Variants in COBL observed in about 807,000 individuals in gnomAD.
COBL encodes protein cordon-bleu.
Under a neutral mutation model 98.8 loss-of-function variants are expected in COBL, and 51 were observed. The observed-to-expected ratio is 0.52, with a 90% CI of 0.41 to 0.65. COBL has a LOEUF of 0.65. Among genes scored for constraint, COBL ranks in the 30% least tolerant of loss-of-function variants. The pLI is 0.00. For missense variants in COBL, 1,617 were observed against 1,617.5 expected (o/e 1.00, Z 0.01); for synonymous variants, 634 against 651.7 (o/e 0.97, Z 0.41).
chr7:51,263,374 G>A (rs184138386), intron 1 of COBL, among the ~76,000 whole-genome samples: 1 of 152,180 alleles, frequency 6.6e-6, no homozygotes, highest in Non-Finnish European at 1.5e-5. Flanking sequence ...GAAGATAAAT[G>A]GTCAGTGGGA....
Position 51,028,644 on chromosome 7 carries a change from G to A in COBL, c.2452C>T (p.Gln818Ter). 1 of 1,613,172 alleles carries A rather than the reference G, an allele frequency of 6.2e-7. No homozygotes were observed. Among genetic ancestry groups the A allele is most frequent in the Non-Finnish European group, 8.5e-7 (1 of 1,179,492 alleles). Residue 818 changes from glutamine to a stop codon, truncating the protein, a stop_gained, in exon 10 of 13, where the codon CAG becomes TAG. Transcript: ENST00000265136. LOFTEE classifies it high-confidence loss of function. ...QADPKPISPQQKSAHHEGRNP... is the reference protein window; with the variant it reads ...QADPKPISPQ ...CGGCCCTCATGGTGGGCAGACTTCT[G>A]CTGGGGCGATATTGGCTTGGGGTCT...
chr7:51,288,434 AAAAG>A (rs1450769367), intron 1 of COBL, among the ~76,000 whole-genome samples: 12 of 147,346 alleles, frequency 8.1e-5, no homozygotes, highest in African/African-American at 2.5e-4. Flanking sequence ...AAAAAAAAAA[AAAAG>A]AAAGAAAGAA....
intron 4 of COBL, among the ~76,000 whole-genome samples, chr7:51,189,102 G>A (rs1191757657): frequency 6.6e-6 from 1 of 152,120 alleles, no homozygotes; most frequent in Non-Finnish European, 1.5e-5. Context: ...TTCTGTCTGT[G>A]TTTTAAAAAA....
chr7:51,193,850 T>C (rs566150591), intron 2 of COBL, among the ~76,000 whole-genome samples: 1 of 152,302 alleles, frequency 6.6e-6, no homozygotes, highest in East Asian at 1.9e-4. Context: ...TTTAGTTAAA[T>C]CCAAGGGTAT....
intron 1 of COBL, among the ~76,000 whole-genome samples, chr7:51,277,175 G>A (rs1349817273): frequency 3.9e-5 from 6 of 152,136 alleles, no homozygotes; most frequent in Admixed American, 2.0e-4. Flanking sequence ...TTTCCATGAC[G>A]GCCACACATG....
At chr7:51,147,774 A>G (rs573618572) in intron 5 of COBL, among the ~76,000 whole-genome samples, 2 of 150,102 alleles carry the variant, frequency 1.3e-5, no homozygotes, top group East Asian at 3.9e-4. Flanking sequence ...TTTTTGATAC[A>G]GAGTCTCACT....
At chr7:51,130,894 GA>G (rs1798676743) in intron 6 of COBL, among the ~76,000 whole-genome samples, 1 of 152,232 alleles carries the variant, frequency 6.6e-6, no homozygotes, top group African/African-American at 2.4e-5. Context: ...CACACAGTGT[GA>G]AATACTATCT....
chr7:51,289,746 T>G (rs140114997), intron 1 of COBL, among the ~76,000 whole-genome samples: 1 of 152,346 alleles, frequency 6.6e-6, no homozygotes, highest in Non-Finnish European at 1.5e-5. Context: ...TAATTACCTT[T>G]CAGTGCCAAA....
intron 2 of COBL, among the ~76,000 whole-genome samples, chr7:51,210,389 A>C (rs1792298747): frequency 6.6e-6 from 1 of 152,168 alleles, no homozygotes; most frequent in Admixed American, 6.5e-5. Flanking sequence ...GGGCACAGTT[A>C]CCCTCTCAAC....
intron 1 of COBL, among the ~76,000 whole-genome samples, chr7:51,243,002 A>G (rs1167632418): frequency 6.6e-6 from 1 of 152,190 alleles, no homozygotes; most frequent in African/African-American, 2.4e-5. Flanking sequence ...CCAGGAGGGG[A>G]TGACCAGGTA....
intron 1 of COBL, among the ~76,000 whole-genome samples, chr7:51,234,754 A>T (rs1795085227): frequency 6.6e-6 from 1 of 151,936 alleles, no homozygotes; most frequent in Non-Finnish European, 1.5e-5. Flanking sequence ...AAAGTTCAGA[A>T]CACAGAACCC....
chr7:51,269,753 T>C lies in COBL; in HGVS notation c.41+46840A>G, dbSNP rs1162257517. 2.6e-5 allele frequency among the ~76,000 whole-genome samples: 4 copies of C among 152,220 alleles called. No individual in the cohort carries two copies. The East Asian group carries it at 7.7e-4, about 29-fold the overall frequency. On this transcript the variant is annotated intron_variant, in intron 1 of 12. Transcript: ENST00000265136. ...TTTCTAGAGGTTCTTTATAGACCCT[T>C]TCTATTAGTTTTCTCAGCCTCAATT...
intron 7 of COBL, among the ~76,000 whole-genome samples, chr7:51,080,164 GA>G (rs1793497161): frequency 6.6e-6 from 1 of 152,160 alleles, no homozygotes; most frequent in Non-Finnish European, 1.5e-5. Flanking sequence ...GGAATGGCTG[GA>G]ACAGAATGGC....
At chr7:51,142,526 G>T (rs775580039) in intron 5 of COBL, among the ~76,000 whole-genome samples, 1 of 151,734 alleles carries the variant, frequency 6.6e-6, no homozygotes, top group Non-Finnish European at 1.5e-5. Context: ...TGGGATTACA[G>T]GAGCGTGCCA....
At chr7:51,083,155 T>TGGGGGGGGGG in intron 7 of COBL, 11 of 605,064 alleles carry the variant, frequency 1.8e-5, no homozygotes, top group Non-Finnish European at 2.5e-5. Context: ...AGGGCGGGGG[T>TGGGGGGGGGG]GGGGGAAGCA....
chr7:51,233,407 GT>G (rs1361746959), intron 1 of COBL, among the ~76,000 whole-genome samples: 1 of 140,608 alleles, frequency 7.1e-6, no homozygotes, highest in East Asian at 1.9e-4. Context: ...CAAAATGTTT[GT>G]TTTTTCCTTC....
chr7:51,065,726 T>A (rs1791857378), intron 7 of COBL, among the ~76,000 whole-genome samples: 1 of 152,278 alleles, frequency 6.6e-6, no homozygotes, highest in Admixed American at 6.5e-5. Flanking sequence ...TGCTATGGGC[T>A]GAACTGTGTT....
chr7:51,156,396 C>G (rs987369326), intron 5 of COBL: 232 of 985,210 alleles, frequency 2.4e-4, no homozygotes, highest in Non-Finnish European at 2.7e-4. Context: ...TTTCTGAAAG[C>G]TCACCGAAGT....
intron 7 of COBL, among the ~76,000 whole-genome samples, chr7:51,046,460 G>C (rs890667609): frequency 6.6e-6 from 1 of 152,114 alleles, no homozygotes; most frequent in Non-Finnish European, 1.5e-5. Context: ...TCCTTTCCGA[G>C]GTCTGCTCTG....
Sources: gnomAD v4.1 joint callset for allele counts (sites outside exome capture counted in the v4.1 genomes callset) on GRCh38, gnomAD v4.1.1 for gene constraint, MANE v1.5 for transcripts, NCBI Gene and HGNC (gene_info 2026-07-23, HGNC 2026-07-21) for gene names.